Variants in NHSL2 observed in about 807,000 individuals in gnomAD.
NHSL2 encodes NHS like 2, also known as NHS-like protein 2.
In NHSL2, 27 loss-of-function variants were observed where a neutral mutation model predicts 53.4. The observed-to-expected ratio is 0.51, with a 90% confidence interval of 0.37 to 0.70. NHSL2 has a LOEUF of 0.70. Ranked by LOEUF, NHSL2 falls within the 30% of genes least tolerant of loss-of-function variation. The pLI is 0.00. For missense variants in NHSL2, 892 were observed against 980.1 expected, an observed-to-expected ratio of 0.91 and a Z score of 1.20; for synonymous variants, 408 against 404.1, an observed-to-expected ratio of 1.01 and a Z score of -0.12.
intron 1 of NHSL2, among the ~76,000 whole-genome samples, chrX:72,097,519 C>T (rs1569479720): frequency 8.9e-6 from 1 of 111,787 alleles, no homozygotes; most frequent in Non-Finnish European, 1.9e-5. Context: ...GAATTTATTC[C>T]ATTTGCATTG....
chrX:72,110,540 C>A (rs1448202619), intron 1 of NHSL2, among the ~76,000 whole-genome samples: 1 of 109,361 alleles, frequency 9.1e-6, no homozygotes, highest in East Asian at 2.8e-4. Context: ...AACCCTTTCC[C>A]CTGCCGTGAC....
intron 1 of NHSL2, among the ~76,000 whole-genome samples, chrX:71,917,060 G>A (rs1054337556): frequency 1.8e-5 from 2 of 112,105 alleles, no homozygotes; most frequent in African/African-American, 6.5e-5. Context: ...TCAAGTTAGA[G>A]GGCACAGGAT....
At chrX:72,038,383 T>G (rs1174605825) in intron 1 of NHSL2, among the ~76,000 whole-genome samples, 3 of 112,370 alleles carry the variant, frequency 2.7e-5, no homozygotes, top group African/African-American at 9.7e-5. Context: ...TCTTTCAAAC[T>G]CTTTATAAAC....
intron 1 of NHSL2, among the ~76,000 whole-genome samples, chrX:72,066,792 C>T (rs907286625): frequency 9.0e-6 from 1 of 111,008 alleles, no homozygotes; most frequent in African/African-American, 3.3e-5. Flanking sequence ...GTATTATCTA[C>T]CTGACAGGGC....
chrX:72,040,766 C>T (rs1323542253), intron 1 of NHSL2, among the ~76,000 whole-genome samples: 2 of 112,085 alleles, frequency 1.8e-5, no homozygotes, highest in Non-Finnish European at 1.9e-5. Context: ...TTGCTTCTGG[C>T]CCTCATAAAA....
intron 1 of NHSL2, among the ~76,000 whole-genome samples, chrX:71,978,684 CT>C (rs1289527280): frequency 0.015 from 1,312 of 87,809 alleles, 19 homozygotes; most frequent in African/African-American, 0.041. Context: ...GGGCTCACAT[CT>C]TTTTTTTTTT....
At chrX:72,083,354 A>G (rs941121199) in intron 1 of NHSL2, among the ~76,000 whole-genome samples, 1 of 113,258 alleles carries the variant, frequency 8.8e-6, no homozygotes, top group Admixed American at 9.3e-5. Flanking sequence ...AATGGCACAT[A>G]GTACATCTTT....
chrX:71,917,192 C>T (rs1481161373), intron 1 of NHSL2, among the ~76,000 whole-genome samples: 1 of 110,834 alleles, frequency 9.0e-6, no homozygotes, highest in Non-Finnish European at 1.9e-5. Context: ...CACTAGGTAT[C>T]AGCCAGTTAA....
At chrX:72,092,083 C>T in intron 1 of NHSL2, among the ~76,000 whole-genome samples, 2 of 112,089 alleles carry the variant, frequency 1.8e-5, no homozygotes, top group Non-Finnish European at 3.8e-5. Context: ...CACAGCTCTT[C>T]ATAGTATGAG....
At chrX:72,061,357 G>A (rs2042398292) in intron 1 of NHSL2, among the ~76,000 whole-genome samples, 1 of 112,478 alleles carries the variant, frequency 8.9e-6, no homozygotes, top group Admixed American at 9.4e-5. Context: ...TCACTTACAA[G>A]CTGTGTGATC....
intron 1 of NHSL2, among the ~76,000 whole-genome samples, chrX:72,093,741 T>G (rs752979943): frequency 3.2e-3 from 307 of 96,342 alleles, no homozygotes; most frequent in African/African-American, 6.3e-3. Flanking sequence ...TTTCTTTCTT[T>G]CTTTCTTTCT....
At chrX:71,919,063 A>T (rs959969063) in intron 1 of NHSL2, among the ~76,000 whole-genome samples, 1 of 112,493 alleles carries the variant, frequency 8.9e-6, no homozygotes, top group Non-Finnish European at 1.9e-5. Flanking sequence ...CAAAATGCTG[A>T]CAATGATTAT....
intron 1 of NHSL2, among the ~76,000 whole-genome samples, chrX:71,973,722 C>T (rs886252690): frequency 1.8e-5 from 2 of 111,746 alleles, no homozygotes; most frequent in African/African-American, 6.5e-5. Context: ...ATGATTGAGG[C>T]CTAGCATTCT....
chrX:71,915,051 A>G (rs1357522096), intron 1 of NHSL2, among the ~76,000 whole-genome samples: 1 of 111,157 alleles, frequency 9.0e-6, no homozygotes. Flanking sequence ...TTTAAATACC[A>G]TGAAATTCCT....
rs760073549 is a variant in NHSL2, at chrX:71,993,867, C to A, written c.280+82500C>A. ...TTGAAAACACTATGCAGGCCAAAAC[C>A]AAAAAAAAAAAAAATATATGGCCAA... is the stretch of plus-strand genomic sequence containing the variant. On this transcript the variant is annotated intron_variant, in intron 1 of 7. Transcript: ENST00000633930. Among the ~76,000 whole-genome samples the A allele has an allele frequency of 1.8e-3, 170 of 95,070 alleles. 1 individual carries two copies. Among genetic ancestry groups the A allele is most frequent in the African/African-American group, 5.8e-3 (153 of 26,387 alleles). 82.6% of individuals were successfully genotyped at this position (95,070 alleles called of 115,157 possible). A position where few individuals can be genotyped will look rare whatever the true frequency, so the allele number is the denominator to read the frequency against.
chrX:71,918,917 A>T (rs1445923896), intron 1 of NHSL2, among the ~76,000 whole-genome samples: 1 of 112,350 alleles, frequency 8.9e-6, no homozygotes, highest in Non-Finnish European at 1.9e-5. Context: ...TAAATGAATT[A>T]TAAGGCTACA....
At chrX:71,933,957 C>A (rs1224502068) in intron 1 of NHSL2, among the ~76,000 whole-genome samples, 1 of 111,302 alleles carries the variant, frequency 9.0e-6, no homozygotes, top group Non-Finnish European at 1.9e-5. Context: ...TTCTTGCTGC[C>A]AATTTGATCT....
chrX:72,141,052 G>A, intron 6 of NHSL2: 1 of 242,980 alleles, frequency 4.1e-6, no homozygotes, highest in Admixed American at 6.5e-5. Flanking sequence ...CTAGGTTCTA[G>A]CACCCTAGGA....
At chrX:72,071,781 G>A (rs976252798) in intron 1 of NHSL2, among the ~76,000 whole-genome samples, 8 of 111,794 alleles carry the variant, frequency 7.2e-5, no homozygotes, top group Non-Finnish European at 1.3e-4. Flanking sequence ...CTAGCATCCT[G>A]GTAGTCATCC....
Sources: gnomAD v4.1 joint callset for allele counts (sites outside exome capture counted in the v4.1 genomes callset) on GRCh38, gnomAD v4.1.1 for gene constraint, MANE v1.5 for transcripts, NCBI Gene and HGNC (gene_info 2026-07-23, HGNC 2026-07-21) for gene names.